HMCN2: variants seen among roughly 807,000 people sequenced by gnomAD.
HMCN2 encodes the protein hemicentin 2.
In HMCN2, 325 loss-of-function variants were observed where a neutral mutation model predicts 377.5. The ratio of observed to expected loss-of-function variants is 0.86; its 90% CI spans 0.79 to 0.94. The LOEUF (loss-of-function observed/expected upper bound fraction) is 0.94, where lower values mean the gene tolerates loss of function less well. Among genes scored for constraint, HMCN2 ranks in the 40% least tolerant of loss-of-function variants. The pLI is 0.00. For synonymous variants in HMCN2, 2,007 were observed against 2,046.8 expected (o/e 0.98, Z 0.53); for missense variants, 4,543 against 4,725.3 (o/e 0.96, Z 1.13).
chr9:130,364,016 AAAG>A (rs1840551976), intron 40 of HMCN2, among the ~76,000 whole-genome samples: 1 of 152,148 alleles, frequency 6.6e-6, no homozygotes, highest in Non-Finnish European at 1.5e-5. Flanking sequence ...AAAGAAAAAG[AAAG>A]AAAACGAATG....
rs1844458795 is a variant in HMCN2 at position 130,427,623 on chromosome 9, A to AGG, written c.14065+6_14065+7dup. The AGG allele has an allele frequency of 1.3e-6, 2 of 1,549,166 alleles. No individual in the cohort carries two copies. ...TGGGATGACAGGAACTGCAGAGGTG[A>AGG]GGGAGCTGCCGGGAGGAGGGAGGAG... On this transcript the variant is annotated splice_donor_region_variant and intron_variant, in intron 92 of 97. Coordinates refer to ENST00000683500, the MANE Select transcript of HMCN2 (RefSeq NM_001291815.2).
intron 86 of HMCN2, 149 bp downstream of exon 86, chr9:130,419,190 T>C: frequency 1.4e-6 from 1 of 714,580 alleles, no homozygotes; most frequent in Non-Finnish European, 2.1e-6. Context: ...AATGAACCCC[T>C]ACCCTGCCCG....
intron 80 of HMCN2, 130 bp downstream of exon 80, chr9:130,404,005 C>T (rs1842973268): frequency 1.1e-6 from 1 of 890,994 alleles, no homozygotes; most frequent in Non-Finnish European, 1.5e-6. Flanking sequence ...GGGAAAACAT[C>T]TCTCATTGTG....
At chr9:130,296,495 C>A (rs1836158301) in intron 6 of HMCN2, among the ~76,000 whole-genome samples, 179 bp from the exon 7 acceptor site, 1 of 152,140 alleles carries the variant, frequency 6.6e-6, no homozygotes, top group Non-Finnish European at 1.5e-5. Flanking sequence ...GGCTTCAGCT[C>A]CTTCATTTGG....
chr9:130,400,237 G>A (rs1842800158), intron 76 of HMCN2: 1 of 152,828 alleles, frequency 6.5e-6, no homozygotes, highest in African/African-American at 2.4e-5. Context: ...AAGTTACTAG[G>A]CCAGGGTCTC....
intron 25 of HMCN2, among the ~76,000 whole-genome samples, chr9:130,343,846 G>A (rs1669160158): frequency 6.6e-6 from 1 of 152,206 alleles, no homozygotes; most frequent in African/African-American, 2.4e-5. Context: ...GCGCTCTGAG[G>A]GCTACAGGGT....
intron 23 of HMCN2, among the ~76,000 whole-genome samples, chr9:130,339,557 C>G (rs1838940782): frequency 1.3e-5 from 2 of 152,290 alleles, no homozygotes; most frequent in South Asian, 4.1e-4. Context: ...GACTGTGCTG[C>G]TGACTGGCTG....
intron 22 of HMCN2, among the ~76,000 whole-genome samples, chr9:130,334,695 T>C (rs1422925587): frequency 0.013 from 1,744 of 138,006 alleles, 36 homozygotes; most frequent in African/African-American, 0.047. Context: ...CTTTCTCTCT[T>C]TCTTTCTTTC....
In HMCN2 at chr9:130,325,723, T is replaced by A. The variant is rs1176879714; in HGVS notation, c.3033+16T>A. 6.6e-6 allele frequency: 1 copy of A among 152,270 alleles called. No homozygotes were observed. Among genetic ancestry groups the A allele is most frequent in the Non-Finnish European group, 1.5e-5 (1 of 68,060 alleles). 9.4% of individuals were successfully genotyped at this position (152,270 alleles called of 1,614,324 possible). A position where few individuals can be genotyped will look rare whatever the true frequency, so the allele number is the denominator to read the frequency against. On this transcript the variant is annotated intron_variant, in intron 20 of 97. Transcript: ENST00000683500. ...GTGGACCAAGGTAAGCAGTGCCTGT[T>A]ACCGAGAGGATAACTGGAGAGGTAG...
At chr9:130,401,434 C>T (rs1046117400) in intron 77 of HMCN2, among the ~76,000 whole-genome samples, 2 of 152,158 alleles carry the variant, frequency 1.3e-5, no homozygotes, top group Admixed American at 6.5e-5. Flanking sequence ...AGGGATTCTC[C>T]TGGCTCAGCT....
At chr9:130,401,667 G>A (rs1842860150) in intron 77 of HMCN2, among the ~76,000 whole-genome samples, 1 of 152,088 alleles carries the variant, frequency 6.6e-6, no homozygotes, top group South Asian at 2.1e-4. Flanking sequence ...AAAATAAAAC[G>A]TTGGAAGCTT....
chr9:130,426,403 C>T (rs1409425948), intron 90 of HMCN2, among the ~76,000 whole-genome samples: 1 of 152,238 alleles, frequency 6.6e-6, no homozygotes, highest in Non-Finnish European at 1.5e-5. Flanking sequence ...GAATGAGAGA[C>T]AGTGCTAAGA....
At chr9:130,384,856 C>T in intron 59 of HMCN2, 58 bp downstream of exon 59, 1 of 1,088,302 alleles carries the variant, frequency 9.2e-7, no homozygotes, top group Non-Finnish European at 1.3e-6. Flanking sequence ...CACCCCTCAG[C>T]CCATACTCCC....
intron 4 of HMCN2, among the ~76,000 whole-genome samples, chr9:130,287,931 A>T (rs1482523595): frequency 6.6e-6 from 1 of 152,026 alleles, no homozygotes; most frequent in African/African-American, 2.4e-5. Flanking sequence ...TATCTCCAGG[A>T]GTGTGTTTAG....
rs1353524816 is a variant in HMCN2 at position 130,407,809 on chromosome 9, G to A, written c.12688+104G>A. 3 of 860,618 alleles carry A rather than the reference G, an allele frequency of 3.5e-6. No homozygotes were observed. The Admixed American group carries it at 1.5e-4, about 42-fold the overall frequency. 53.3% of individuals were successfully genotyped at this position (860,618 alleles called of 1,614,324 possible). A position where few individuals can be genotyped will look rare whatever the true frequency, so the allele number is the denominator to read the frequency against. ...CCAGCCTCCTGTCCTCTGAACTAGTGGTTCCCCACCCTGGCTGCATGTTAG... is the reference window on the plus strand; with the variant it reads ...CCAGCCTCCTGTCCTCTGAACTAGTAGTTCCCCACCCTGGCTGCATGTTAG... On this transcript the variant is annotated intron_variant, in intron 83 of 97. Transcript: ENST00000683500.
Position 130,385,615 on chromosome 9 carries a change from G to A in HMCN2, c.9162G>A (p.Arg3054=), listed in dbSNP as rs756267699. 13 of 1,304,180 alleles carry A rather than the reference G, an allele frequency of 1.0e-5. No homozygotes were observed. The South Asian group carries it at 1.6e-4, about 16-fold the overall frequency. The allele number at this position is 1,304,180 out of a possible 1,614,324, so 80.8% of individuals were successfully genotyped here. ...GTCCCCAGGATGCGGTCCTGGTGAG[G>A]GTCGGGGACAAAGCTGTCCTGAGCT... is the stretch of plus-strand genomic sequence containing the variant. ...PRGPQDAVLV[R]VGDKAVLSCE... Residue 3054 remains arginine, a synonymous_variant, in exon 60 of 98, where the codon AGG becomes AGA. Transcript: ENST00000683500.
At chr9:130,384,230 A>G (rs572487188) in intron 57 of HMCN2, 143 bp from the exon 58 acceptor site, 1 of 594,216 alleles carries the variant, frequency 1.7e-6, no homozygotes, top group Non-Finnish European at 2.5e-6. Flanking sequence ...GAGTCATGGC[A>G]AATGGAGGTT....
At chr9:130,405,698 A>T (rs1200924332) in intron 81 of HMCN2, among the ~76,000 whole-genome samples, 1 of 152,250 alleles carries the variant, frequency 6.6e-6, no homozygotes, top group African/African-American at 2.4e-5. Context: ...GGCAGCACAC[A>T]GTAGGTGTTT....
chr9:130,382,524 G>A lies in HMCN2; in HGVS notation c.8546-155G>A, dbSNP rs538169482. Reference sequence around the variant, plus strand: ...AAATCACAACCCTTTCTGTGCCCCCGATTCCTTAGCTGCATCAGGGATTGG... The same window carrying A: ...AAATCACAACCCTTTCTGTGCCCCCAATTCCTTAGCTGCATCAGGGATTGG... On this transcript the variant is annotated intron_variant, in intron 55 of 97. Coordinates refer to ENST00000683500, the MANE Select transcript of HMCN2 (RefSeq NM_001291815.2). 1.6e-4 allele frequency among the ~76,000 whole-genome samples: 25 copies of A among 152,280 alleles called. 1 individual carries two copies. The South Asian group carries it at 3.5e-3, about 21-fold the overall frequency.
Sources: allele counts gnomAD v4.1 joint callset (sites outside exome capture counted in the v4.1 genomes callset), GRCh38; gene constraint gnomAD v4.1.1; transcripts MANE v1.5; gene names NCBI Gene and HGNC (gene_info 2026-07-23, HGNC 2026-07-21).